Variants in UGT1A7 observed in about 807,000 individuals in gnomAD.
UGT1A7 encodes the protein UDP glucuronosyltransferase family 1 member A7.
Under a neutral mutation model 45.6 loss-of-function variants are expected in UGT1A7, and 33 were observed. The ratio of observed to expected loss-of-function variants is 0.72; its 90% CI spans 0.55 to 0.97. UGT1A7 has a LOEUF of 0.97. UGT1A7 is among the 50% of genes least tolerant of loss of function. The pLI, the probability that UGT1A7 is intolerant of heterozygous loss-of-function variation, is 0.00. For missense variants in UGT1A7, 684 were observed against 666.2 expected, an observed-to-expected ratio of 1.03 and a Z score of -0.29; for synonymous variants, 274 against 250.6, an observed-to-expected ratio of 1.09 and a Z score of -0.88.
Position 233,769,795 on chromosome 2 carries a change from C to A in UGT1A7, c.1295+1356C>A. 1 of 1,235,564 alleles carries A rather than the reference C, an allele frequency of 8.1e-7. No homozygotes were observed. The highest frequency in any genetic ancestry group is 1.1e-6 in the Non-Finnish European group (1 of 932,226). 76.5% of individuals were successfully genotyped at this position (1,235,564 alleles called of 1,614,324 possible). On this transcript the variant is annotated intron_variant, in intron 4 of 4. Coordinates refer to ENST00000373426, the MANE Select transcript of UGT1A7 (RefSeq NM_019077.3). This position sits in a 1 kb window ranked among gnomAD's most constrained non-coding sequence, Gnocchi z 4.4. ...GCTTGAGCCCAGAAGTTGGAGGCTG[C>A]TATGAGCCGTGATCATGCCACTGCA...
intron 1 of UGT1A7, among the ~76,000 whole-genome samples, chr2:233,715,359 C>T (rs750728220): frequency 1.3e-5 from 2 of 150,138 alleles, no homozygotes; most frequent in Admixed American, 1.3e-4. Flanking sequence ...AGGTTTGAGA[C>T]TTATATTTTC....
intron 1 of UGT1A7, chr2:233,741,678 G>T (rs1691739427): frequency 1.3e-5 from 2 of 151,908 alleles, no homozygotes; most frequent in African/African-American, 4.9e-5. Context: ...TTTATTGCTT[G>T]GGTGCCATTA....
intron 1 of UGT1A7, chr2:233,743,869 G>A (rs763783144): frequency 1.5e-5 from 21 of 1,367,022 alleles, no homozygotes; most frequent in Admixed American, 1.9e-5. Flanking sequence ...TGATGGCCTC[G>A]GATGAGGCCT....
In UGT1A7 at chr2:233,682,135, G is replaced by T. The variant is rs201856078; in HGVS notation, c.198G>T (p.Leu66=). The change falls in exon 1 of 5, where the codon CTG becomes CTT. Residue 66 remains leucine, a synonymous_variant. Transcript: ENST00000373426. Reference sequence around the variant, plus strand: ...TCATGCCAGAGGTGAGTTGGCAACTGGGAAGATCACTGAATTGCACAGTGA... The same window carrying T: ...TCATGCCAGAGGTGAGTTGGCAACTTGGAAGATCACTGAATTGCACAGTGA... ...VVVMPEVSWQ[L]GRSLNCTVKT... 2.2e-5 allele frequency: 36 copies of T among 1,614,086 alleles called. No homozygotes were observed. Among genetic ancestry groups the T allele is most frequent in the Non-Finnish European group, 5.1e-6 (6 of 1,180,034 alleles).
At chr2:233,711,897 G>A (rs553450118) in intron 1 of UGT1A7, among the ~76,000 whole-genome samples, 2 of 152,310 alleles carry the variant, frequency 1.3e-5, no homozygotes, top group South Asian at 4.1e-4. Context: ...TCTCATGGGC[G>A]TGAGACCATT....
chr2:233,713,587 C>T (rs553041215), intron 1 of UGT1A7: 7 of 1,613,978 alleles, frequency 4.3e-6, no homozygotes, highest in East Asian at 2.2e-5. Context: ...AGATTACTAA[C>T]GACCAATTCA....
At chr2:233,720,075 T>C (rs1197503417) in intron 1 of UGT1A7, among the ~76,000 whole-genome samples, 1 of 152,184 alleles carries the variant, frequency 6.6e-6, no homozygotes, top group Admixed American at 6.5e-5. Flanking sequence ...ATTAGAATTG[T>C]GGACATGATA....
intron 1 of UGT1A7, among the ~76,000 whole-genome samples, chr2:233,696,048 T>C (rs1001404961): frequency 3.9e-5 from 6 of 152,132 alleles, no homozygotes; most frequent in Non-Finnish European, 7.4e-5. Context: ...ATTTGAAGAA[T>C]GTAAATTAGT....
chr2:233,729,869 T>C (rs1226699407), intron 1 of UGT1A7: 4 of 1,613,726 alleles, frequency 2.5e-6, no homozygotes, highest in East Asian at 4.5e-5. Context: ...GTGGTGGATA[T>C]TCTCAGTCAT....
intron 1 of UGT1A7, among the ~76,000 whole-genome samples, chr2:233,709,057 T>C (rs949719159): frequency 1.3e-5 from 2 of 151,522 alleles, no homozygotes; most frequent in African/African-American, 2.4e-5. Flanking sequence ...CCAGGATTCC[T>C]AGTTAAAGTT....
chr2:233,771,063 C>G (rs913473960), intron 4 of UGT1A7: 3 of 152,106 alleles, frequency 2.0e-5, no homozygotes, highest in Admixed American at 1.3e-4. Flanking sequence ...ATGACCGGCT[C>G]TCACAATAAC....
At chr2:233,711,370 A>C (rs1322789825) in intron 1 of UGT1A7, among the ~76,000 whole-genome samples, 1 of 152,234 alleles carries the variant, frequency 6.6e-6, no homozygotes, top group Non-Finnish European at 1.5e-5. Flanking sequence ...GAATGTGGTG[A>C]GAGCACCCTC....
chr2:233,690,660 A>T, intron 1 of UGT1A7: 1 of 1,280,446 alleles, frequency 7.8e-7, no homozygotes, highest in Non-Finnish European at 1.0e-6. Context: ...TACAGCACCA[A>T]CCAGGGCAGG....
chr2:233,766,877 C>G (rs3213726), intron 1 of UGT1A7, among the ~76,000 whole-genome samples, 157 bp from the exon 2 acceptor site: 1 of 152,336 alleles, frequency 6.6e-6, no homozygotes, highest in Non-Finnish European at 1.5e-5. Context: ...GAGGAAAATG[C>G]TGTAAAACTT....
At chr2:233,737,978 G>C (rs1166842032) in intron 1 of UGT1A7, among the ~76,000 whole-genome samples, 1 of 152,014 alleles carries the variant, frequency 6.6e-6, no homozygotes, top group East Asian at 1.9e-4. Context: ...ATTTAATATG[G>C]TTTGGCTCTG....
At chr2:233,748,181 CT>C in intron 1 of UGT1A7, 1 of 1,573,702 alleles carries the variant, frequency 6.4e-7, no homozygotes, top group Non-Finnish European at 8.6e-7. Context: ...CTTTCTGGTG[CT>C]TTTATTTCTG....
At chr2:233,748,842 G>A (rs562838283) in intron 1 of UGT1A7, among the ~76,000 whole-genome samples, 4 of 151,506 alleles carry the variant, frequency 2.6e-5, no homozygotes, top group South Asian at 2.1e-4. Context: ...ATAAAACTGT[G>A]AGCGTATAAG....
chr2:233,759,839 C>T (rs1697267219), intron 1 of UGT1A7, among the ~76,000 whole-genome samples: 1 of 152,144 alleles, frequency 6.6e-6, no homozygotes, highest in South Asian at 2.1e-4. Context: ...AGTGGGCACT[C>T]TTACAGGTTT....
At position 233,773,226 on chromosome 2, in the gene UGT1A7, A is replaced by C. The variant is rs989910459; in HGVS notation, c.*667A>C. 2 of 152,382 alleles carry C rather than the reference A, an allele frequency of 1.3e-5. No homozygotes were observed. Among genetic ancestry groups the C allele is most frequent in the Non-Finnish European group, 2.9e-5 (2 of 68,036 alleles). 9.4% of individuals were successfully genotyped at this position (152,382 alleles called of 1,614,324 possible). ...ATAAAAACCCAAAATACAGCTATGA[A>C]GTGCTGGGCAAGTTTACTTTTTTTC... On this transcript the variant is annotated 3_prime_UTR_variant, in exon 5 of 5. Coordinates refer to ENST00000373426, the MANE Select transcript of UGT1A7 (RefSeq NM_019077.3).
Sources: allele counts gnomAD v4.1 joint callset (sites outside exome capture counted in the v4.1 genomes callset), GRCh38; gene constraint gnomAD v4.1.1; non-coding constraint Gnocchi (gnomAD v3.1); transcripts MANE v1.5; gene names NCBI Gene and HGNC (gene_info 2026-07-23, HGNC 2026-07-21).